Variants in CAMK1D observed in about 807,000 individuals in gnomAD.
CAMK1D encodes the protein calcium/calmodulin dependent protein kinase ID.
CAMK1D carries 9 observed loss-of-function variants against 47.7 expected under a neutral mutation model. The observed-to-expected ratio is 0.19, with a 90% CI of 0.11 to 0.33. The LOEUF (loss-of-function observed/expected upper bound fraction) is 0.33. CAMK1D is among the 10% of genes least tolerant of loss of function. CAMK1D has a pLI of 1.00. For synonymous variants in CAMK1D, 184 were observed against 184.9 expected, an observed-to-expected ratio of 0.99 and a Z score of 0.04; for missense variants, 291 against 488.7, an observed-to-expected ratio of 0.60 and a Z score of 3.81.
intron 1 of CAMK1D, among the ~76,000 whole-genome samples, chr10:12,527,350 C>CTTTTTTTTTT (rs750670427): frequency 3.6e-5 from 3 of 84,036 alleles, no homozygotes; most frequent in East Asian, 7.4e-4. Flanking sequence ...ACTTGACTTG[C>CTTTTTTTTTT]TTTTTTTTTT....
chr10:12,763,795 T>C (rs1836616141), intron 4 of CAMK1D, among the ~76,000 whole-genome samples: 1 of 150,170 alleles, frequency 6.7e-6, no homozygotes, highest in African/African-American at 2.5e-5. Flanking sequence ...TTATAAAGTG[T>C]TGGGGTTGAT....
chr10:12,471,067 T>C (rs1833732569), intron 1 of CAMK1D, among the ~76,000 whole-genome samples: 1 of 152,190 alleles, frequency 6.6e-6, no homozygotes, highest in African/African-American at 2.4e-5. Context: ...TTTTCCCACA[T>C]TATTTTCCTC....
intron 3 of CAMK1D, among the ~76,000 whole-genome samples, chr10:12,670,070 C>T (rs1038543030): frequency 4.0e-5 from 6 of 149,404 alleles, no homozygotes; most frequent in Non-Finnish European, 8.9e-5. Context: ...GTAGATGTTG[C>T]GTTCAACTTT....
chr10:12,585,315 C>T lies in CAMK1D; in HGVS notation c.224+31959C>T, dbSNP rs140609718. ...TTTCTGGCACTCAGTGATGCCGGGC[C>T]TACTGGCCTGGAGGCCACACATTGA... On this transcript the variant is annotated intron_variant, in intron 2 of 10. Coordinates refer to ENST00000619168, the MANE Select transcript of CAMK1D (RefSeq NM_153498.4). Among the ~76,000 whole-genome samples the T allele has an allele frequency of 4.6e-3, 701 of 152,328 alleles. 8 individuals are homozygous for T. The highest frequency in any genetic ancestry group is 0.015 in the African/African-American group (641 of 41,576).
intron 1 of CAMK1D, among the ~76,000 whole-genome samples, chr10:12,436,100 A>G (rs997314657): frequency 9.9e-5 from 15 of 152,140 alleles, no homozygotes; most frequent in African/African-American, 3.4e-4. Context: ...GCTTGCTTCT[A>G]GGGGTGGGAG....
At chr10:12,564,792 C>T (rs958660665) in intron 2 of CAMK1D, among the ~76,000 whole-genome samples, 1 of 152,116 alleles carries the variant, frequency 6.6e-6, no homozygotes, top group Non-Finnish European at 1.5e-5. Context: ...AAATACAGTG[C>T]TGCAATAGAT....
intron 5 of CAMK1D, among the ~76,000 whole-genome samples, chr10:12,773,179 T>A (rs551546185): frequency 1.3e-5 from 2 of 152,308 alleles, no homozygotes; most frequent in Admixed American, 1.3e-4. Flanking sequence ...ACTTACTGAA[T>A]TTAGTAAAAA....
chr10:12,573,824 A>T (rs2132321308), intron 2 of CAMK1D, among the ~76,000 whole-genome samples: 1 of 124,352 alleles, frequency 8.0e-6, no homozygotes, highest in South Asian at 2.4e-4. Context: ...CTGGCTTATT[A>T]AAAAAACTTT....
intron 1 of CAMK1D, among the ~76,000 whole-genome samples, chr10:12,402,740 C>T (rs549256738): frequency 1.3e-5 from 2 of 152,100 alleles, no homozygotes; most frequent in Non-Finnish European, 2.9e-5. Flanking sequence ...CAAAAGGATC[C>T]CTGAGGCAGT....
chr10:12,587,263 C>T (rs770146148), intron 2 of CAMK1D, among the ~76,000 whole-genome samples: 2 of 152,154 alleles, frequency 1.3e-5, no homozygotes, highest in Non-Finnish European at 2.9e-5. Flanking sequence ...AGCCCACGAT[C>T]GCTTTCCTAG....
chr10:12,450,591 A>G (rs1833054968), intron 1 of CAMK1D, among the ~76,000 whole-genome samples: 1 of 152,200 alleles, frequency 6.6e-6, no homozygotes, highest in Middle Eastern at 3.2e-3. Flanking sequence ...CAGCTCACAC[A>G]TGGACAGTGG....
At chr10:12,555,280 A>G (rs1360453667) in intron 2 of CAMK1D, among the ~76,000 whole-genome samples, 1 of 152,230 alleles carries the variant, frequency 6.6e-6, no homozygotes, top group African/African-American at 2.4e-5. Flanking sequence ...GCACAAACCC[A>G]GCACTGCTGA....
intron 1 of CAMK1D, among the ~76,000 whole-genome samples, chr10:12,383,298 T>A (rs1298468116): frequency 1.3e-5 from 2 of 152,276 alleles, no homozygotes; most frequent in African/African-American, 2.4e-5. Flanking sequence ...AAGAGCTTTT[T>A]GTGGTGGAAC....
chr10:12,751,063 T>TAAGATAAGAGAAGAG (rs1835930661), intron 3 of CAMK1D, among the ~76,000 whole-genome samples: 1 of 6,164 alleles, frequency 1.6e-4, no homozygotes, highest in Non-Finnish European at 2.9e-4. Context: ...TAAGATAAGA[T>TAAGATAAGAGAAGAG]AAGATAAGAT....
chr10:12,368,360 G>A (rs2131852085), intron 1 of CAMK1D, among the ~76,000 whole-genome samples: 1 of 152,046 alleles, frequency 6.6e-6, no homozygotes, highest in South Asian at 2.1e-4. Flanking sequence ...GAGCCATGAT[G>A]GCACTGCTAT....
chr10:12,410,417 T>G (rs1362317698), intron 1 of CAMK1D, among the ~76,000 whole-genome samples: 1 of 152,278 alleles, frequency 6.6e-6, no homozygotes. Context: ...CTTAGAACAG[T>G]TCGCCCCCTA....
In CAMK1D at chr10:12,396,798, G is replaced by A. The variant is rs145919360; in HGVS notation, c.92+46888G>A. ...GTAGGCTCCCCGTGGCCATGTCCAC[G>A]TCCACTGGGCAGGCTCCTTGCCTGG... is the stretch of plus-strand genomic sequence containing the variant. On this transcript the variant is annotated intron_variant, in intron 1 of 10. Coordinates refer to ENST00000619168, the MANE Select transcript of CAMK1D (RefSeq NM_153498.4). Among the ~76,000 whole-genome samples the A allele has an allele frequency of 4.6e-5, 7 of 152,222 alleles. No homozygotes were observed. The East Asian group carries it at 9.7e-4, about 21-fold the overall frequency.
chr10:12,553,429 G>C (rs573595156), intron 2 of CAMK1D, 73 bp downstream of exon 2: 6 of 1,298,602 alleles, frequency 4.6e-6, no homozygotes, highest in Non-Finnish European at 6.7e-6. Context: ...TCCTGCCCCG[G>C]AGGCAGACTT....
chr10:12,657,076 A>G (rs1358712064), intron 2 of CAMK1D, among the ~76,000 whole-genome samples: 3 of 152,098 alleles, frequency 2.0e-5, no homozygotes, highest in Admixed American at 6.5e-5. Flanking sequence ...ACTTTTATGG[A>G]TATATTTTGG....
Sources: allele counts gnomAD v4.1 joint callset (sites outside exome capture counted in the v4.1 genomes callset), GRCh38; gene constraint gnomAD v4.1.1; transcripts MANE v1.5; gene names NCBI Gene and HGNC (gene_info 2026-07-23, HGNC 2026-07-21).